PCDH9: variants seen among roughly 807,000 people sequenced by gnomAD.
PCDH9 encodes the protein protocadherin-9.
A neutral mutation model predicts 70.6 loss-of-function variants in PCDH9; 24 were observed. That is an observed-to-expected ratio of 0.34 (90% CI 0.25 to 0.48). PCDH9 has a LOEUF of 0.48. Among genes scored for constraint, PCDH9 ranks in the 20% least tolerant of loss-of-function variants. The pLI is 0.99. For synonymous variants in PCDH9, 562 were observed against 558.5 expected, an observed-to-expected ratio of 1.01 and a Z score of -0.09; for missense variants, 1,281 against 1,503.6, an observed-to-expected ratio of 0.85 and a Z score of 2.45.
At chr13:66,833,319 CT>C (rs2080960487) in intron 3 of PCDH9, among the ~76,000 whole-genome samples, 1 of 152,080 alleles carries the variant, frequency 6.6e-6, no homozygotes, top group Non-Finnish European at 1.5e-5. Context: ...ACACTGATAC[CT>C]TTGACTTCTC....
chr13:66,950,753 T>C (rs1017728169), intron 2 of PCDH9, among the ~76,000 whole-genome samples: 37 of 152,136 alleles, frequency 2.4e-4, no homozygotes, highest in African/African-American at 8.7e-4. Context: ...TAGGTGATCA[T>C]GTGAACCTCT....
chr13:67,225,435 G>A lies in PCDH9; in HGVS notation c.3006C>T (p.Phe1002=). ...SASECSSQGG[F]KTKGPLHTRQ... is the part of the protein sequence containing the mutation. Reference sequence around the variant, plus strand: ...TGGTGTGTAAGGGGCCCTTTGTCTTGAAGCCTCCTTGGGAACTGCACTCTG... The same window carrying A: ...TGGTGTGTAAGGGGCCCTTTGTCTTAAAGCCTCCTTGGGAACTGCACTCTG... Residue 1002 remains phenylalanine, a synonymous_variant, in exon 2 of 5, where the codon TTC becomes TTT. Coordinates refer to ENST00000377865, the MANE Select transcript of PCDH9 (RefSeq NM_203487.3). 6.2e-7 allele frequency: 1 copy of A among 1,614,054 alleles called. No homozygotes were observed. The highest frequency in any genetic ancestry group is 8.5e-7 in the Non-Finnish European group (1 of 1,179,976).
intron 2 of PCDH9, among the ~76,000 whole-genome samples, chr13:67,189,557 G>A (rs1438669701): frequency 2.6e-5 from 4 of 151,782 alleles, no homozygotes; most frequent in South Asian, 2.1e-4. Context: ...ACAAGGATAC[G>A]GCTTAACTGC....
intron 2 of PCDH9, among the ~76,000 whole-genome samples, chr13:66,928,515 A>T (rs1455061575): frequency 6.6e-6 from 1 of 152,124 alleles, no homozygotes; most frequent in Non-Finnish European, 1.5e-5. Context: ...GTGTTCCCCC[A>T]AATTCATATG....
chr13:66,405,790 TG>T (rs565100769), intron 4 of PCDH9, among the ~76,000 whole-genome samples: 244 of 152,330 alleles, frequency 1.6e-3, no homozygotes, highest in Middle Eastern at 3.4e-3. Context: ...GTCTTATAAA[TG>T]TGGCAACCGT....
At chr13:66,557,880 AGT>A (rs1961805962) in intron 4 of PCDH9, among the ~76,000 whole-genome samples, 1 of 152,114 alleles carries the variant, frequency 6.6e-6, no homozygotes, top group South Asian at 2.1e-4. Flanking sequence ...GGCTGGAAAC[AGT>A]GGCTCATGCC....
At chr13:67,024,305 C>G (rs75016483) in intron 2 of PCDH9, among the ~76,000 whole-genome samples, 2 of 152,202 alleles carry the variant, frequency 1.3e-5, no homozygotes, top group East Asian at 3.9e-4. Context: ...ACATTTGTAT[C>G]AGAGTTGGGT....
At chr13:66,863,562 T>G (rs1372250454) in intron 3 of PCDH9, among the ~76,000 whole-genome samples, 1 of 152,156 alleles carries the variant, frequency 6.6e-6, no homozygotes, top group Non-Finnish European at 1.5e-5. Flanking sequence ...CTAGGCTCAC[T>G]GCAAGTTCCG....
intron 3 of PCDH9, among the ~76,000 whole-genome samples, chr13:66,818,220 C>G (rs994228867): frequency 6.6e-6 from 1 of 152,106 alleles, no homozygotes; most frequent in African/African-American, 2.4e-5. Context: ...GGCAGATTCA[C>G]TAGCTTGGGC....
chr13:67,135,210 T>C (rs1445674886), intron 2 of PCDH9, among the ~76,000 whole-genome samples: 3 of 152,138 alleles, frequency 2.0e-5, no homozygotes, highest in Non-Finnish European at 4.4e-5. Flanking sequence ...AAATGTATGT[T>C]GTGAATTGTT....
In PCDH9 at chr13:66,676,738, C is replaced by T. The variant is rs535771390; in HGVS notation, c.3139-45327G>A. Among the ~76,000 whole-genome samples, 166 of 152,120 alleles carry T rather than the reference C, an allele frequency of 1.1e-3. 5 individuals are homozygous for T. The South Asian group carries it at 0.032, about 29-fold the overall frequency. ...CATATCCAACTAAGGGAAATAAATT[C>T]AATTGTGTATTTAAATGTACACAGG... On this transcript the variant is annotated intron_variant, in intron 3 of 4. Transcript: ENST00000377865.
At chr13:67,056,003 A>C (rs1002658797) in intron 2 of PCDH9, among the ~76,000 whole-genome samples, 1 of 152,216 alleles carries the variant, frequency 6.6e-6, no homozygotes, top group Non-Finnish European at 1.5e-5. Flanking sequence ...ATTTTTTAAA[A>C]AAGAACAAAT....
In PCDH9 at chr13:67,122,772, C is replaced by CAATAATAAT. The variant is rs56039213; in HGVS notation, c.3036+102624_3036+102632dup. Among the ~76,000 whole-genome samples, 298 of 143,178 alleles carry CAATAATAAT rather than the reference C, an allele frequency of 2.1e-3. 1 individual carries two copies. The highest frequency in any genetic ancestry group is 4.9e-3 in the African/African-American group (189 of 38,684). 93.9% of individuals were successfully genotyped at this position (143,178 alleles called of 152,430 possible). On this transcript the variant is annotated intron_variant, in intron 2 of 4. Transcript: ENST00000377865. The stretch of plus-strand genomic sequence containing the variant: ...CTGGCGACAGAGCAAGACTCTGTCT[C>CAATAATAAT]AATAATAATAATAATAATAATAATA...
At chr13:67,089,819 A>G (rs1403372478) in intron 2 of PCDH9, among the ~76,000 whole-genome samples, 1 of 151,998 alleles carries the variant, frequency 6.6e-6, no homozygotes, top group Admixed American at 6.6e-5. Context: ...AGATCCTTAG[A>G]TGAAAAATAG....
At chr13:66,326,980 G>T (rs542323903) in intron 4 of PCDH9, among the ~76,000 whole-genome samples, 9 of 151,778 alleles carry the variant, frequency 5.9e-5, no homozygotes, top group African/African-American at 1.7e-4. Context: ...AACGATGAGG[G>T]TTTTTTGTTT....
intron 2 of PCDH9, among the ~76,000 whole-genome samples, chr13:66,984,450 G>C (rs1277856745): frequency 6.6e-6 from 1 of 152,134 alleles, no homozygotes; most frequent in African/African-American, 2.4e-5. Flanking sequence ...CATACTGCCT[G>C]AGTGCTCTGA....
intron 3 of PCDH9, among the ~76,000 whole-genome samples, chr13:66,886,687 A>G (rs2082009796): frequency 6.6e-6 from 1 of 152,182 alleles, no homozygotes; most frequent in Non-Finnish European, 1.5e-5. Context: ...CATAATGTTA[A>G]TTATTATAAC....
intron 3 of PCDH9, among the ~76,000 whole-genome samples, chr13:66,634,185 G>C (rs996453205): frequency 6.6e-6 from 1 of 152,106 alleles, no homozygotes; most frequent in Non-Finnish European, 1.5e-5. Context: ...GAATTAATTT[G>C]ACTCAGATGT....
At chr13:67,053,867 C>A (rs1003882550) in intron 2 of PCDH9, among the ~76,000 whole-genome samples, 2 of 152,068 alleles carry the variant, frequency 1.3e-5, no homozygotes, top group African/African-American at 4.8e-5. Flanking sequence ...GATATTGTTC[C>A]AAACAATTTA....
Sources: gnomAD v4.1 joint callset for allele counts (sites outside exome capture counted in the v4.1 genomes callset) on GRCh38, gnomAD v4.1.1 for gene constraint, MANE v1.5 for transcripts, NCBI Gene and HGNC (gene_info 2026-07-23, HGNC 2026-07-21) for gene names.